Variants in SMPDL3A observed in about 807,000 individuals in gnomAD.
The protein encoded by SMPDL3A is sphingomyelin phosphodiesterase acid like 3A, also known as cyclic GMP-AMP phosphodiesterase SMPDL3A.
SMPDL3A carries 39 observed loss-of-function variants against 38.5 expected under a neutral mutation model. The observed-to-expected ratio is 1.01, with a 90% confidence interval of 0.78 to 1.32. The LOEUF (loss-of-function observed/expected upper bound fraction) is 1.32, where lower values mean the gene tolerates loss of function less well. SMPDL3A is among the 40% of genes most tolerant of loss of function. The probability of loss-of-function intolerance (pLI) is 0.00; values close to 1 mark genes in which losing one functional copy is unlikely to be tolerated. For synonymous variants in SMPDL3A, 180 were observed against 194.3 expected, an observed-to-expected ratio of 0.93 and a Z score of 0.61; for missense variants, 502 against 536.2, an observed-to-expected ratio of 0.94 and a Z score of 0.63.
chr6:122,805,783 G>A (rs568465439), intron 6 of SMPDL3A, among the ~76,000 whole-genome samples: 1 of 152,248 alleles, frequency 6.6e-6, no homozygotes, highest in South Asian at 2.1e-4. Flanking sequence ...ACCACGCCCA[G>A]CTAATTTCAC....
chr6:122,789,810 A>G, intron 1 of SMPDL3A: 1 of 984,786 alleles, frequency 1.0e-6, no homozygotes, highest in Non-Finnish European at 1.2e-6. Flanking sequence ...TGCGGGACTC[A>G]AGGGAAGAGG....
chr6:122,802,497 C>T (rs943440321), intron 4 of SMPDL3A, among the ~76,000 whole-genome samples: 49 of 152,054 alleles, frequency 3.2e-4, no homozygotes, highest in African/African-American at 1.7e-4. Flanking sequence ...CCACCGTGCC[C>T]GGCCTATGTC....
intron 6 of SMPDL3A, 147 bp from the exon 7 acceptor site, chr6:122,806,086 C>G: frequency 1.8e-6 from 1 of 564,606 alleles, no homozygotes; most frequent in Non-Finnish European, 2.8e-6. Context: ...CAAATTGTCT[C>G]TTTACAGTTG....
intron 3 of SMPDL3A, among the ~76,000 whole-genome samples, chr6:122,798,063 C>T (rs1368622805): frequency 1.3e-5 from 2 of 152,214 alleles, no homozygotes; most frequent in African/African-American, 4.8e-5. Flanking sequence ...CCACATTTTT[C>T]TCTTTGCTTA....
chr6:122,789,910 G>A (rs1201662131), intron 1 of SMPDL3A: 1 of 974,154 alleles, frequency 1.0e-6, no homozygotes, highest in East Asian at 1.1e-4. Context: ...GCTCAGGGAA[G>A]TAAATTTCAG....
intron 3 of SMPDL3A, among the ~76,000 whole-genome samples, chr6:122,800,399 G>A (rs1256002385): frequency 2.6e-5 from 4 of 152,172 alleles, no homozygotes; most frequent in African/African-American, 9.6e-5. Flanking sequence ...CAGTTCAGAA[G>A]ACTTTGTTAA....
intron 6 of SMPDL3A, 114 bp downstream of exon 6, chr6:122,805,203 G>A: frequency 1.2e-6 from 1 of 848,182 alleles, no homozygotes; most frequent in African/African-American, 1.8e-5. Context: ...AAATCTGCCA[G>A]CATTAGCCTT....
At chr6:122,790,802 C>A (rs1291157414) in intron 1 of SMPDL3A, among the ~76,000 whole-genome samples, 1 of 152,180 alleles carries the variant, frequency 6.6e-6, no homozygotes, top group East Asian at 1.9e-4. Flanking sequence ...TGAGGCCACA[C>A]AATGGCAAAT....
intron 4 of SMPDL3A, among the ~76,000 whole-genome samples, chr6:122,803,218 T>TG (rs761231440): frequency 2.6e-5 from 4 of 152,226 alleles, no homozygotes; most frequent in Non-Finnish European, 5.9e-5. Flanking sequence ...GTAGCAGCTG[T>TG]GGTTTGTCTG....
At chr6:122,801,886 G>T (rs1049618866) in intron 4 of SMPDL3A, among the ~76,000 whole-genome samples, 1 of 152,152 alleles carries the variant, frequency 6.6e-6, no homozygotes, top group African/African-American at 2.4e-5. Context: ...ATGTCTAAAG[G>T]CCCTCTGCTC....
chr6:122,805,901 T>C (rs529752949), intron 6 of SMPDL3A, among the ~76,000 whole-genome samples: 17 of 152,324 alleles, frequency 1.1e-4, no homozygotes, highest in South Asian at 8.3e-4. Context: ...CCTTATATTC[T>C]TTTAATTTTT....
At chr6:122,800,053 C>T (rs1207982820) in intron 3 of SMPDL3A, among the ~76,000 whole-genome samples, 6 of 150,040 alleles carry the variant, frequency 4.0e-5, no homozygotes, top group South Asian at 2.1e-4. Flanking sequence ...AATGCAGCCT[C>T]GCCCTCTGGG....
At chr6:122,804,539 G>T (rs754157820) in intron 5 of SMPDL3A, among the ~76,000 whole-genome samples, 2 of 151,220 alleles carry the variant, frequency 1.3e-5, no homozygotes, top group East Asian at 3.9e-4. Context: ...TCGAACTCTG[G>T]GGGGCTCGAA....
At chr6:122,789,855 C>T (rs777429603) in intron 1 of SMPDL3A, 1 of 985,250 alleles carries the variant, frequency 1.0e-6, no homozygotes, top group Non-Finnish European at 1.2e-6. Context: ...CAGCAAGAGG[C>T]CCCTAATCGG....
At chr6:122,805,204 C>A in intron 6 of SMPDL3A, 115 bp downstream of exon 6, 1 of 844,412 alleles carries the variant, frequency 1.2e-6, no homozygotes, top group Non-Finnish European at 1.8e-6. Flanking sequence ...AATCTGCCAG[C>A]ATTAGCCTTT....
intron 1 of SMPDL3A, 111 bp downstream of exon 1, chr6:122,789,569 G>T: frequency 9.7e-7 from 1 of 1,033,338 alleles, no homozygotes; most frequent in Non-Finnish European, 1.4e-6. Flanking sequence ...CAGAGGCTCG[G>T]GCTAGCGGGG....
At chr6:122,803,560 A>G in intron 4 of SMPDL3A, 104 bp from the exon 5 acceptor site, 1 of 780,028 alleles carries the variant, frequency 1.3e-6, no homozygotes. Context: ...ATGAGAAATA[A>G]GCACCAACCT....
intron 7 of SMPDL3A, among the ~76,000 whole-genome samples, chr6:122,808,589 CCCTTCCTCCCTCCCTCCCTCCCTT>C (rs1303333716): frequency 8.8e-4 from 107 of 122,220 alleles, no homozygotes; most frequent in African/African-American, 3.1e-3. Flanking sequence ...TATTGAGCCT[CCCTTCCTCCCTCCCTCCCTCCCTT>C]CCTTCCTTCC....
At chr6:122,794,936 G>C (rs9372717) in intron 1 of SMPDL3A, among the ~76,000 whole-genome samples, 19,907 of 152,084 alleles carry the variant, frequency 0.13, 1,734 homozygotes, top group East Asian at 0.34. Context: ...CCTAACAAAC[G>C]ACATCATATT....
Sources: allele counts gnomAD v4.1 joint callset (sites outside exome capture counted in the v4.1 genomes callset), GRCh38; gene constraint gnomAD v4.1.1; transcripts MANE v1.5; gene names NCBI Gene and HGNC (gene_info 2026-07-23, HGNC 2026-07-21).